Variants in ZCWPW2 observed in about 807,000 individuals in gnomAD.
ZCWPW2 encodes the protein zinc finger CW-type PWWP domain protein 2.
In ZCWPW2, 45 loss-of-function variants were observed where a neutral mutation model predicts 46.6. That is an observed-to-expected ratio of 0.96 (90% confidence interval 0.76 to 1.24). The LOEUF (loss-of-function observed/expected upper bound fraction) is 1.24, where lower values mean the gene tolerates loss of function less well. ZCWPW2 is among the 50% of genes most tolerant of loss of function. ZCWPW2 has a pLI of 0.00. For synonymous variants in ZCWPW2, 152 were observed against 137.1 expected, an observed-to-expected ratio of 1.11 and a Z score of -0.76; for missense variants, 429 against 403.9, an observed-to-expected ratio of 1.06 and a Z score of -0.53.
intron 1 of ZCWPW2, among the ~76,000 whole-genome samples, chr3:28,355,072 T>G (rs1278080713): frequency 6.6e-6 from 1 of 151,882 alleles, no homozygotes; most frequent in Non-Finnish European, 1.5e-5. Context: ...TATCCCTGTT[T>G]GCAGATGACA....
intron 4 of ZCWPW2, among the ~76,000 whole-genome samples, chr3:28,444,912 A>C (rs1249498526): frequency 6.6e-6 from 1 of 152,086 alleles, no homozygotes; most frequent in South Asian, 2.1e-4. Context: ...AGGAGTGTCA[A>C]ATGCATTTAT....
chr3:28,369,202 G>A (rs1705226671), intron 1 of ZCWPW2, among the ~76,000 whole-genome samples: 1 of 152,204 alleles, frequency 6.6e-6, no homozygotes. Flanking sequence ...TTGCTGGTGA[G>A]GAACTGTATT....
rs114686219 is a variant in ZCWPW2, at chr3:28,353,276, C to G, written c.-134+4073C>G. Among the ~76,000 whole-genome samples, 1,037 of 151,954 alleles carry G rather than the reference C, an allele frequency of 6.8e-3. 10 individuals carry two copies. The highest frequency in any genetic ancestry group is 0.023 in the African/African-American group (940 of 41,428). ...AAGTGTTCTAGTCATTTAATGAGGT[C>G]ACAGTATTAGAATTTATGTTCTTGG... On this transcript the variant is annotated intron_variant, in intron 1 of 9. Transcript: ENST00000383768.
intron 1 of ZCWPW2, among the ~76,000 whole-genome samples, chr3:28,377,853 G>C (rs191686608): frequency 1.3e-5 from 2 of 152,122 alleles, no homozygotes; most frequent in African/African-American, 4.8e-5. Flanking sequence ...ATTAAGATTT[G>C]GAGTTAGCAT....
At chr3:28,473,076 A>T (rs184022540) in intron 4 of ZCWPW2, among the ~76,000 whole-genome samples, 2 of 152,338 alleles carry the variant, frequency 1.3e-5, no homozygotes, top group African/African-American at 4.8e-5. Flanking sequence ...AAGACAGGCG[A>T]TAACAAATGC....
At chr3:28,425,334 T>C (rs1575118936) in intron 3 of ZCWPW2, among the ~76,000 whole-genome samples, 3 of 152,340 alleles carry the variant, frequency 2.0e-5, no homozygotes, top group Admixed American at 6.5e-5. Context: ...AATATACTTA[T>C]ATTGCTTATT....
intron 2 of ZCWPW2, among the ~76,000 whole-genome samples, chr3:28,404,475 A>G (rs1257634108): frequency 6.6e-6 from 1 of 152,192 alleles, no homozygotes; most frequent in Non-Finnish European, 1.5e-5. Context: ...GAGATTCCGT[A>G]AAGAACTAGA....
In ZCWPW2 at chr3:28,499,252, A is replaced by G. The variant is rs575913834; in HGVS notation, c.657+7079A>G. ...TCTTCCACAGTGGTTGAACTAATTTATACTCCCACCAACAGTGTAAAAGCG... is the reference window on the plus strand; with the variant it reads ...TCTTCCACAGTGGTTGAACTAATTTGTACTCCCACCAACAGTGTAAAAGCG... On this transcript the variant is annotated intron_variant, in intron 6 of 9. Coordinates refer to ENST00000383768, the MANE Select transcript of ZCWPW2 (RefSeq NM_001040432.4). 9.2e-5 allele frequency among the ~76,000 whole-genome samples: 14 copies of G among 152,242 alleles called. No homozygotes were observed. In the East Asian group the frequency reaches 2.3e-3, roughly 25 times the overall value.
At position 28,366,106 on chromosome 3, in the gene ZCWPW2, T is replaced by A. The variant is rs1468192198; in HGVS notation, c.-134+16903T>A. ...ATCTGCAAACAGGGATAATTTGACT[T>A]CCTCTTTTCCTAATTGAATACCCTT... On this transcript the variant is annotated intron_variant, in intron 1 of 9. Transcript: ENST00000383768. 5.7e-4 allele frequency among the ~76,000 whole-genome samples: 86 copies of A among 151,406 alleles called. No individual in the cohort carries two copies. The Middle Eastern group carries it at 0.02, about 36-fold the overall frequency.
intron 4 of ZCWPW2, 144 bp from the exon 5 acceptor site, chr3:28,478,664 ATAATAT>A (rs1699316417): frequency 1.0e-5 from 4 of 392,342 alleles, no homozygotes; most frequent in Non-Finnish European, 1.3e-5. Flanking sequence ...GAATTCTAAA[ATAATAT>A]TAAAATAATA....
chr3:28,486,480 ACTT>A (rs1699603640), intron 5 of ZCWPW2, among the ~76,000 whole-genome samples: 1 of 151,892 alleles, frequency 6.6e-6, no homozygotes, highest in African/African-American at 2.4e-5. Context: ...TCTTGGAAGA[ACTT>A]CTTTTAGTGT....
intron 3 of ZCWPW2, among the ~76,000 whole-genome samples, chr3:28,419,818 G>GC (rs1325005989): frequency 2.5e-5 from 2 of 80,008 alleles, no homozygotes; most frequent in Non-Finnish European, 4.9e-5. Flanking sequence ...GCAAACTTTC[G>GC]CAAGGACAAA....
intron 6 of ZCWPW2, among the ~76,000 whole-genome samples, chr3:28,493,028 C>T (rs184276499): frequency 6.9e-6 from 1 of 144,600 alleles, no homozygotes; most frequent in East Asian, 2.0e-4. Context: ...TTTATGAGTC[C>T]TTCTAAAATC....
intron 4 of ZCWPW2, among the ~76,000 whole-genome samples, chr3:28,467,242 G>T (rs903997685): frequency 6.6e-6 from 1 of 151,836 alleles, no homozygotes; most frequent in Non-Finnish European, 1.5e-5. Flanking sequence ...AAGGAAGAAA[G>T]ACTTACATGA....
At chr3:28,505,831 A>G (rs1046131403) in intron 6 of ZCWPW2, among the ~76,000 whole-genome samples, 10 of 152,126 alleles carry the variant, frequency 6.6e-5, no homozygotes, top group African/African-American at 1.7e-4. Flanking sequence ...TGAGCATAAA[A>G]TACTGAATCA....
rs552937469 is a variant in ZCWPW2, at chr3:28,453,971, A to C, written c.492+18702A>C. Among the ~76,000 whole-genome samples, 10 of 151,144 alleles carry C rather than the reference A, an allele frequency of 6.6e-5. No individual in the cohort carries two copies. The East Asian group carries it at 1.9e-3, about 29-fold the overall frequency. ...ACCATTCACCTGCCTCAGCCTCCCG[A>C]GTATCTGGGACTACAGGCACCCGCC... On this transcript the variant is annotated intron_variant, in intron 4 of 9. Transcript: ENST00000383768.
intron 6 of ZCWPW2, among the ~76,000 whole-genome samples, chr3:28,506,384 A>T (rs1342774150): frequency 1.3e-5 from 2 of 151,948 alleles, no homozygotes; most frequent in Non-Finnish European, 2.9e-5. Flanking sequence ...GGGCATAAAA[A>T]TTTGCATTTC....
chr3:28,404,271 G>A (rs764500421), intron 2 of ZCWPW2, among the ~76,000 whole-genome samples: 33 of 151,216 alleles, frequency 2.2e-4, no homozygotes, highest in Non-Finnish European at 3.2e-4. Flanking sequence ...ACAAACATAC[G>A]AAAAAATGCT....
chr3:28,510,901 G>A, intron 6 of ZCWPW2: 1 of 345,046 alleles, frequency 2.9e-6, no homozygotes, highest in South Asian at 2.3e-5. Context: ...GTCCACTGAG[G>A]ATTAGTAGGG....
Sources: allele counts gnomAD v4.1 joint callset (sites outside exome capture counted in the v4.1 genomes callset), GRCh38; gene constraint gnomAD v4.1.1; transcripts MANE v1.5; gene names NCBI Gene and HGNC (gene_info 2026-07-23, HGNC 2026-07-21).